DNAH5: variants seen among roughly 807,000 people sequenced by gnomAD.
DNAH5 encodes the protein axonemal beta dynein heavy chain 5.
A neutral mutation model predicts 518.2 loss-of-function variants in DNAH5; 372 were observed. The observed-to-expected ratio is 0.72, with a 90% CI of 0.66 to 0.78. The LOEUF is 0.78. Ranked by LOEUF, DNAH5 falls within the 30% of genes least tolerant of loss-of-function variation. DNAH5 has a pLI of 0.00. For synonymous variants in DNAH5, 2,039 were observed against 2,025.9 expected, an observed-to-expected ratio of 1.01 and a Z score of -0.17; for missense variants, 5,523 against 5,687.0, an observed-to-expected ratio of 0.97 and a Z score of 0.93.
intron 72 of DNAH5, among the ~76,000 whole-genome samples, chr5:13,718,125 C>A (rs1744554076): frequency 6.6e-6 from 1 of 152,114 alleles, no homozygotes; most frequent in Admixed American, 6.5e-5. Flanking sequence ...CCCCAAAAGT[C>A]TCTTTGCAGG....
intron 1 of DNAH5, among the ~76,000 whole-genome samples, chr5:13,968,475 T>C (rs1781674297): frequency 6.6e-6 from 1 of 152,214 alleles, no homozygotes; most frequent in Admixed American, 6.5e-5. Flanking sequence ...TTTATTACCT[T>C]GAGGTATGTT....
intron 27 of DNAH5, 48 bp downstream of exon 27, chr5:13,865,620 A>G: frequency 1.7e-6 from 2 of 1,152,252 alleles, no homozygotes; most frequent in African/African-American, 1.5e-5. Flanking sequence ...CAAAGAGGAA[A>G]GCATTTGAAG....
intron 42 of DNAH5, among the ~76,000 whole-genome samples, chr5:13,815,214 A>G (rs1761295636): frequency 6.6e-6 from 1 of 152,204 alleles, no homozygotes; most frequent in East Asian, 1.9e-4. Context: ...AGTTTAACAT[A>G]CAAAAAAACT....
chr5:13,693,575 C>T (rs905151141), intron 78 of DNAH5, among the ~76,000 whole-genome samples: 3 of 152,190 alleles, frequency 2.0e-5, no homozygotes, highest in Non-Finnish European at 4.4e-5. Flanking sequence ...TTACGGAGGA[C>T]ATTTGCCAAT....
rs1754251806 is a variant in DNAH5, at chr5:13,777,345, T to C, written c.8962A>G (p.Thr2988Ala). The C allele has an allele frequency of 6.2e-7, 1 of 1,613,136 alleles. No individual in the cohort carries two copies. The highest frequency in any genetic ancestry group is 1.7e-5 in the Admixed American group (1 of 59,958). The change falls in exon 54 of 79, where the codon ACA (threonine) becomes GCA (alanine). Residue 2988 changes from threonine (T) to alanine (A), a missense_variant. Transcript: ENST00000265104. ...FQITLTRSYN[T>A]SNLMEDLKVL... ...TTCAGATCTTCCATCAGATTTGATG[T>C]GTTGTAGGATCTAAAGAAATATTTT...
rs761759916 is a variant in DNAH5, at chr5:13,788,797, C to T, written c.8566G>A (p.Gly2856Ser). ...ALVSLVEEEF[G>S]EEKKLLVDCG... ...TCCACCAAGAGTTTTTTCTCTTCAC[C>T]AAACTCCTCCTCTACCAAACTTACT... is the stretch of plus-strand genomic sequence containing the variant. The change falls in exon 51 of 79, where the codon GGT (glycine) becomes AGT (serine). Residue 2856 changes from glycine (G) to serine (S), a missense_variant. Coordinates refer to ENST00000265104, the MANE Select transcript of DNAH5 (RefSeq NM_001369.3). 1 of 1,613,884 alleles carries T rather than the reference C, an allele frequency of 6.2e-7. No individual in the cohort carries two copies. The highest frequency in any genetic ancestry group is 2.2e-5 in the East Asian group (1 of 44,876).
intron 61 of DNAH5, among the ~76,000 whole-genome samples, chr5:13,755,176 C>T (rs920422683): frequency 6.6e-5 from 10 of 152,136 alleles, no homozygotes; most frequent in African/African-American, 9.6e-5. Flanking sequence ...GCAACAATTG[C>T]TTATTCTACT....
intron 2 of DNAH5, among the ~76,000 whole-genome samples, chr5:13,928,755 C>T (rs149370898): frequency 1.7e-3 from 255 of 152,206 alleles, no homozygotes; most frequent in Non-Finnish European, 2.8e-3. Flanking sequence ...TAGTCAATAG[C>T]ACTGTTTGGA....
chr5:13,910,860 G>A (rs934458651), intron 12 of DNAH5, among the ~76,000 whole-genome samples: 1 of 152,212 alleles, frequency 6.6e-6, no homozygotes, highest in Non-Finnish European at 1.5e-5. Context: ...CTGCTCATGT[G>A]AGCTGCAAGG....
intron 70 of DNAH5, among the ~76,000 whole-genome samples, chr5:13,723,074 G>A (rs1455469960): frequency 6.6e-6 from 1 of 152,186 alleles, no homozygotes; most frequent in African/African-American, 2.4e-5. Context: ...TTTTGAGGAG[G>A]TGAATTTCAG....
chr5:13,759,874 T>C (rs1482926630), intron 60 of DNAH5, among the ~76,000 whole-genome samples: 3 of 151,886 alleles, frequency 2.0e-5, no homozygotes, highest in Admixed American at 2.0e-4. Context: ...GAAAAGATTA[T>C]TTTTAAAACA....
rs941296378 is a variant in DNAH5 at position 13,808,731 on chromosome 5, G to A, written c.7752+313C>T. Among the ~76,000 whole-genome samples, 9 of 151,692 alleles carry A rather than the reference G, an allele frequency of 5.9e-5. No individual in the cohort carries two copies. The South Asian group carries it at 6.3e-4, about 11-fold the overall frequency. Reference sequence around the variant, plus strand: ...TCCCAGCACTTTGGGAGGCCGAGGCGGGCGGATCACGAGGTCAGGAGATCG... The same window carrying A: ...TCCCAGCACTTTGGGAGGCCGAGGCAGGCGGATCACGAGGTCAGGAGATCG... On this transcript the variant is annotated intron_variant, in intron 46 of 78. Transcript: ENST00000265104.
chr5:13,692,411 C>T (rs2126335675), intron 78 of DNAH5, among the ~76,000 whole-genome samples: 1 of 152,274 alleles, frequency 6.6e-6, no homozygotes, highest in Non-Finnish European at 1.5e-5. Flanking sequence ...CCACATGCTT[C>T]CTCTCTCTCC....
chr5:13,890,474 G>C (rs984516090), intron 17 of DNAH5, among the ~76,000 whole-genome samples: 2 of 151,430 alleles, frequency 1.3e-5, no homozygotes, highest in Non-Finnish European at 2.9e-5. Context: ...AAAGTGTAGC[G>C]GATCTGTAAG....
intron 46 of DNAH5, 121 bp downstream of exon 46, chr5:13,808,923 G>T: frequency 1.6e-6 from 2 of 1,231,630 alleles, no homozygotes. Flanking sequence ...TCGCGCCACT[G>T]CACTCCAGCC....
At position 13,923,334 on chromosome 5, in the gene DNAH5, C is replaced by G. The variant is rs201109037; in HGVS notation, c.384G>C (p.Val128=). Residue 128 remains valine (V), a synonymous_variant, in exon 4 of 79, where the codon GTG becomes GTC. Transcript: ENST00000265104. ...TGGAAGGGTCAGTCCTGATGAAGAA[C>G]ACACATACCCCAGTAAGAGCCACAT... ...GNDVALTGVC[V]FFIRTDPSKA... is the part of the protein sequence containing the mutation. 5.0e-6 allele frequency: 8 copies of G among 1,614,126 alleles called. No individual in the cohort carries two copies. In the Admixed American group the frequency reaches 1.2e-4, roughly 24 times the overall value.
chr5:13,818,801 C>A (rs1204456792), intron 41 of DNAH5, among the ~76,000 whole-genome samples: 1 of 152,186 alleles, frequency 6.6e-6, no homozygotes, highest in African/African-American at 2.4e-5. Context: ...GAGATATATG[C>A]TGAATCAGGG....
chr5:13,768,508 C>G (rs921997154), intron 58 of DNAH5, among the ~76,000 whole-genome samples: 16 of 152,178 alleles, frequency 1.1e-4, no homozygotes, highest in African/African-American at 3.6e-4. Flanking sequence ...GCGTTGGAAG[C>G]CTGCTCAAAC....
intron 52 of DNAH5, 109 bp from the exon 53 acceptor site, chr5:13,781,068 G>A (rs1490518184): frequency 3.1e-6 from 4 of 1,282,000 alleles, no homozygotes; most frequent in Admixed American, 2.0e-5. Context: ...GAAGATATAG[G>A]TGTCTCAAGA....
Sources: allele counts gnomAD v4.1 joint callset (sites outside exome capture counted in the v4.1 genomes callset), GRCh38; gene constraint gnomAD v4.1.1; transcripts MANE v1.5; gene names NCBI Gene and HGNC (gene_info 2026-07-23, HGNC 2026-07-21).